The following SLC5A12 variants were observed in gnomAD, a reference collection of about 807,000 sequenced individuals.
The protein encoded by SLC5A12 is sodium-coupled monocarboxylate transporter 2.
SLC5A12 carries 46 observed loss-of-function variants against 72.7 expected under a neutral mutation model. That is an observed-to-expected ratio of 0.63 (90% CI 0.50 to 0.81). The LOEUF is 0.81. Among genes scored for constraint, SLC5A12 ranks in the 30% least tolerant of loss-of-function variants. The pLI is 0.00. For missense variants in SLC5A12, 683 were observed against 740.7 expected (o/e 0.92, Z 0.90); for synonymous variants, 275 against 264.4 (o/e 1.04, Z -0.39).
At chr11:26,677,109 C>T (rs1335259760) in intron 13 of SLC5A12, among the ~76,000 whole-genome samples, 4 of 151,624 alleles carry the variant, frequency 2.6e-5, no homozygotes, top group African/African-American at 9.8e-5. Flanking sequence ...CCTAAGGCCT[C>T]ATTTGGAAGA....
rs1855017089 is a variant in SLC5A12 at position 26,703,680 on chromosome 11, CAG to C, written c.681-11_681-10del. 9 of 1,613,698 alleles carry C rather than the reference CAG, an allele frequency of 5.6e-6. No individual in the cohort carries two copies. The highest frequency in any genetic ancestry group is 7.6e-6 in the Non-Finnish European group (9 of 1,179,818). On this transcript the variant is annotated splice_polypyrimidine_tract_variant and intron_variant, in intron 5 of 14. Transcript: ENST00000396005. The stretch of plus-strand genomic sequence containing the variant: ...GAGGATCTACATCAAAGCTATGAGA[CAG>C]AGAGAAATGAGTGAACAAAGATATT...
intron 13 of SLC5A12, among the ~76,000 whole-genome samples, chr11:26,674,549 A>G (rs889570700): frequency 2.0e-5 from 3 of 151,948 alleles, no homozygotes; most frequent in African/African-American, 7.2e-5. Context: ...ACAGGCACGA[A>G]CTACCATGCC....
At chr11:26,707,075 T>G (rs1227771463) in intron 4 of SLC5A12, among the ~76,000 whole-genome samples, 2 of 151,898 alleles carry the variant, frequency 1.3e-5, no homozygotes, top group African/African-American at 4.8e-5. Context: ...TTCTTGACAT[T>G]CAACTCCTGA....
intron 3 of SLC5A12, 57 bp downstream of exon 3, chr11:26,711,250 G>A (rs1855220589): frequency 1.5e-6 from 2 of 1,362,064 alleles, no homozygotes; most frequent in Admixed American, 1.7e-5. Flanking sequence ...AATTCTGCAA[G>A]GTGAGAATTC....
chr11:26,719,148 T>C (rs1235187029), intron 1 of SLC5A12, among the ~76,000 whole-genome samples: 1 of 152,198 alleles, frequency 6.6e-6, no homozygotes, highest in Non-Finnish European at 1.5e-5. Flanking sequence ...ATAGACAGAT[T>C]GTTCAAAGTA....
chr11:26,673,021 AC>A (rs1353444596), intron 14 of SLC5A12, among the ~76,000 whole-genome samples: 3 of 152,144 alleles, frequency 2.0e-5, no homozygotes, highest in African/African-American at 7.2e-5. Flanking sequence ...AGGACATGGA[AC>A]CAGGATTAAT....
chr11:26,685,871 C>T (rs1854520186), intron 10 of SLC5A12, among the ~76,000 whole-genome samples: 2 of 152,106 alleles, frequency 1.3e-5, no homozygotes, highest in Non-Finnish European at 2.9e-5. Context: ...CATAAGGTTC[C>T]TTTTAGCACT....
intron 5 of SLC5A12, 37 bp from the exon 6 acceptor site, chr11:26,703,708 C>A: frequency 1.2e-6 from 2 of 1,613,184 alleles, no homozygotes; most frequent in Non-Finnish European, 1.7e-6. Context: ...CAAAGATATT[C>A]CTTTGATGCC....
chr11:26,696,994 G>A (rs937966737), intron 8 of SLC5A12, among the ~76,000 whole-genome samples, 170 bp downstream of exon 8: 42 of 152,192 alleles, frequency 2.8e-4, no homozygotes, highest in Admixed American at 2.6e-3. Context: ...CTGATGATGA[G>A]TAAAATTCTA....
intron 9 of SLC5A12, among the ~76,000 whole-genome samples, chr11:26,690,275 CAT>C (rs993702918): frequency 1.3e-5 from 2 of 151,808 alleles, no homozygotes; most frequent in African/African-American, 4.8e-5. Flanking sequence ...ATAATGGAAA[CAT>C]TTTTAATTTT....
intron 4 of SLC5A12, among the ~76,000 whole-genome samples, chr11:26,706,139 C>T (rs1313068046): frequency 6.6e-6 from 1 of 152,008 alleles, no homozygotes; most frequent in Non-Finnish European, 1.5e-5. Context: ...ATATTTTATA[C>T]ATCCACAGGC....
chr11:26,689,331 G>A, intron 9 of SLC5A12, among the ~76,000 whole-genome samples: 1 of 152,146 alleles, frequency 6.6e-6, no homozygotes, highest in Non-Finnish European at 1.5e-5. Flanking sequence ...CCGGGAGGCG[G>A]AGGTGGCAGT....
intron 4 of SLC5A12, among the ~76,000 whole-genome samples, chr11:26,708,835 C>T (rs1457232400): frequency 1.3e-5 from 2 of 151,914 alleles, no homozygotes; most frequent in Non-Finnish European, 2.9e-5. Context: ...CCAGGCTTAC[C>T]CAGAAATACA....
intron 1 of SLC5A12, chr11:26,716,393 A>G (rs1049144329): frequency 2.0e-5 from 3 of 152,204 alleles, no homozygotes; most frequent in Non-Finnish European, 4.4e-5. Flanking sequence ...GCATAATTCT[A>G]TATCTGAAAG....
chr11:26,705,979 C>A (rs1339258997), intron 4 of SLC5A12, among the ~76,000 whole-genome samples: 1 of 139,478 alleles, frequency 7.2e-6, no homozygotes, highest in African/African-American at 2.7e-5. Flanking sequence ...CACACACACA[C>A]TTACCTTCTT....
intron 12 of SLC5A12, 55 bp from the exon 13 acceptor site, chr11:26,678,870 T>C (rs1288323398): frequency 2.8e-5 from 33 of 1,170,784 alleles, no homozygotes; most frequent in Non-Finnish European, 4.0e-5. Flanking sequence ...CCCACAGTGA[T>C]GTAGAGGACT....
At position 26,670,229 on chromosome 11, in the gene SLC5A12, G is replaced by T. The variant is rs1854107115; in HGVS notation, c.*873C>A. The T allele has an allele frequency of 6.6e-6, 1 of 152,030 alleles. No homozygotes were observed. Among genetic ancestry groups the T allele is most frequent in the South Asian group, 2.1e-4 (1 of 4,826 alleles). The allele number at this position is 152,030 out of a possible 1,614,324, so 9.4% of individuals were successfully genotyped here. ...TCCTATTGCTGATGAAATCTCCTATGGTCTGTTACAATATTTGCAACGTTC... is the reference window on the plus strand; with the variant it reads ...TCCTATTGCTGATGAAATCTCCTATTGTCTGTTACAATATTTGCAACGTTC... On this transcript the variant is annotated 3_prime_UTR_variant, in exon 15 of 15. Coordinates refer to ENST00000396005, the MANE Select transcript of SLC5A12 (RefSeq NM_178498.4).
chr11:26,711,096 G>T (rs186920703), intron 3 of SLC5A12, among the ~76,000 whole-genome samples: 1 of 152,146 alleles, frequency 6.6e-6, no homozygotes, highest in Admixed American at 6.6e-5. Context: ...GTATCTAGAA[G>T]TATATGAGTC....
At chr11:26,716,256 G>C (rs1855347732) in intron 1 of SLC5A12, 1 of 152,152 alleles carries the variant, frequency 6.6e-6, no homozygotes, top group Non-Finnish European at 1.5e-5. Context: ...CTAGGGAAAA[G>C]CTATATGAAT....
Sources: gnomAD v4.1 joint callset for allele counts (sites outside exome capture counted in the v4.1 genomes callset) on GRCh38, gnomAD v4.1.1 for gene constraint, MANE v1.5 for transcripts, NCBI Gene and HGNC (gene_info 2026-07-23, HGNC 2026-07-21) for gene names.